Variants in SEPTIN9 observed in about 807,000 individuals in gnomAD.
SEPTIN9 encodes the protein septin 9.
A neutral mutation model predicts 56.6 loss-of-function variants in SEPTIN9; 13 were observed. The observed-to-expected ratio is 0.23, with a 90% CI of 0.15 to 0.37. The LOEUF is 0.37. Ranked by LOEUF, SEPTIN9 falls within the 10% of genes least tolerant of loss-of-function variation. The pLI is 1.00. For synonymous variants in SEPTIN9, 332 were observed against 334.1 expected (o/e 0.99, Z 0.07); for missense variants, 650 against 823.1 (o/e 0.79, Z 2.57).
rs1474399440 is a variant in SEPTIN9, at chr17:77,429,165, G to A, written c.721+26462G>A. The A allele has an allele frequency of 2.1e-6, 1 of 472,148 alleles. No homozygotes were observed. The highest frequency in any genetic ancestry group is 4.4e-6 in the Non-Finnish European group (1 of 227,476). The allele number at this position is 472,148 out of a possible 1,614,324, so 29.2% of individuals were successfully genotyped here. On this transcript the variant is annotated intron_variant, in intron 3 of 11. Transcript: ENST00000427177. The surrounding 1 kb of genome is among the most constrained non-coding windows in gnomAD (Gnocchi z 5.2). The stretch of plus-strand genomic sequence containing the variant: ...ACTTGGGGGTGTGTCTGCAGCTCCT[G>A]AGGCCAAGACCAAGGCTGAGGCCGA...
rs994574282 is a variant in SEPTIN9, at chr17:77,317,233, A to G, written c.76+10036A>G. On this transcript the variant is annotated intron_variant, in intron 2 of 11. Transcript: ENST00000427177. The surrounding 1 kb of genome is among the most constrained non-coding windows in gnomAD (Gnocchi z 4.2). ...CAGCTCTGCAGGCCACACATCCGAGATCAGGGTCACCAGGCTGAAATCAGG... is the reference window on the plus strand; with the variant it reads ...CAGCTCTGCAGGCCACACATCCGAGGTCAGGGTCACCAGGCTGAAATCAGG... 6.6e-6 allele frequency among the ~76,000 whole-genome samples: 1 copy of G among 152,100 alleles called. No individual in the cohort carries two copies. The highest frequency in any genetic ancestry group is 6.5e-5 in the Admixed American group (1 of 15,270).
intron 4 of SEPTIN9, among the ~76,000 whole-genome samples, chr17:77,486,614 TTGTG>T (rs1161458084): frequency 6.6e-6 from 1 of 150,826 alleles, no homozygotes; most frequent in East Asian, 1.9e-4. Flanking sequence ...TTGAGGTGAG[TTGTG>T]TGTGTGTTGT....
intron 1 of SEPTIN9, among the ~76,000 whole-genome samples, chr17:77,305,437 C>G (rs1232515470): frequency 6.6e-6 from 1 of 152,154 alleles, no homozygotes; most frequent in East Asian, 1.9e-4. Flanking sequence ...TGTCCCTGCT[C>G]AGCGTCCTCC....
chr17:77,472,996 C>G (rs1165160159), intron 3 of SEPTIN9, among the ~76,000 whole-genome samples: 1 of 152,192 alleles, frequency 6.6e-6, no homozygotes, highest in East Asian at 1.9e-4. Flanking sequence ...TTGGGTAGGT[C>G]AGTAGGAACA....
intron 2 of SEPTIN9, chr17:77,320,428 C>T (rs1022278252): frequency 1.6e-6 from 2 of 1,263,864 alleles, no homozygotes; most frequent in Admixed American, 1.7e-5. Flanking sequence ...GGGGAATAAG[C>T]ATGCAAAGGG....
intron 2 of SEPTIN9, among the ~76,000 whole-genome samples, chr17:77,314,727 G>A (rs1353550305): frequency 2.6e-5 from 4 of 152,190 alleles, no homozygotes; most frequent in East Asian, 1.9e-4. Flanking sequence ...ACCCTTTCCC[G>A]AAGGCCCCTG....
rs1355754940 is a variant in SEPTIN9 at position 77,329,561 on chromosome 17, G to A, written c.76+22364G>A. Among the ~76,000 whole-genome samples, 1 of 152,190 alleles carries A rather than the reference G, an allele frequency of 6.6e-6. No homozygotes were observed. The highest frequency in any genetic ancestry group is 2.4e-5 in the African/African-American group (1 of 41,434). On this transcript the variant is annotated intron_variant, in intron 2 of 11. Transcript: ENST00000427177. This position sits in a 1 kb window ranked among gnomAD's most constrained non-coding sequence, Gnocchi z 4.3. Reference sequence around the variant, plus strand: ...GCAGCCTCAAGGCAGGAGCTGGGGTGTTGGAGGAGGAAGCACGCTCATCCC... The same window carrying A: ...GCAGCCTCAAGGCAGGAGCTGGGGTATTGGAGGAGGAAGCACGCTCATCCC...
chr17:77,465,303 G>A (rs890181495), intron 3 of SEPTIN9, among the ~76,000 whole-genome samples: 2 of 152,240 alleles, frequency 1.3e-5, no homozygotes, highest in African/African-American at 4.8e-5. Context: ...TCTGCAGTGA[G>A]TGCTGGTCTA....
In SEPTIN9 at chr17:77,450,069, C is replaced by T. The variant is rs185079273; in HGVS notation, c.722-32075C>T. Reference sequence around the variant, plus strand: ...AGACACTCCCCCGGCTCTGGCCTGGCGCCCGGAGACCAGTAGCAGCAGCTC... The same window carrying T: ...AGACACTCCCCCGGCTCTGGCCTGGTGCCCGGAGACCAGTAGCAGCAGCTC... On this transcript the variant is annotated intron_variant, in intron 3 of 11. Transcript: ENST00000427177. This position sits in a 1 kb window ranked among gnomAD's most constrained non-coding sequence, Gnocchi z 6.0. 1.3e-5 allele frequency among the ~76,000 whole-genome samples: 2 copies of T among 152,346 alleles called. No homozygotes were observed. The highest frequency in any genetic ancestry group is 6.5e-5 in the Admixed American group (1 of 15,312).
chr17:77,475,625 A>T lies in SEPTIN9; in HGVS notation c.722-6519A>T, dbSNP rs747349370. ...GAGCCTGCAGAGGGAGGGCAGCTGG[A>T]GGCTGCTCCAGTGTGCATTGTTACG... is the stretch of plus-strand genomic sequence containing the variant. On this transcript the variant is annotated intron_variant, in intron 3 of 11. Transcript: ENST00000427177. This position sits in a 1 kb window ranked among gnomAD's most constrained non-coding sequence, Gnocchi z 4.6. The T allele has an allele frequency of 1.2e-6, 2 of 1,613,722 alleles. No individual in the cohort carries two copies. Among genetic ancestry groups the T allele is most frequent in the South Asian group, 1.1e-5 (1 of 91,084 alleles).
chr17:77,465,178 C>G (rs763005781), intron 3 of SEPTIN9, among the ~76,000 whole-genome samples: 2 of 152,226 alleles, frequency 1.3e-5, no homozygotes, highest in Admixed American at 1.3e-4. Context: ...GTGCTTCATT[C>G]TTTTTCATGG....
At position 77,429,048 on chromosome 17, in the gene SEPTIN9, C is replaced by T. The variant is rs1238658891; in HGVS notation, c.721+26345C>T. The T allele has an allele frequency of 6.4e-6, 3 of 471,478 alleles. No homozygotes were observed. The highest frequency in any genetic ancestry group is 1.3e-5 in the Non-Finnish European group (3 of 227,160). The allele number at this position is 471,478 out of a possible 1,614,324, so 29.2% of individuals were successfully genotyped here. ...GAGCATCTCAGCAGCCCTCCGCCCC[C>T]TGCTCCTGGTTGCAGATGTACCTGT... On this transcript the variant is annotated intron_variant, in intron 3 of 11. Coordinates refer to ENST00000427177, the MANE Select transcript of SEPTIN9 (RefSeq NM_001113491.2). This position sits in a 1 kb window ranked among gnomAD's most constrained non-coding sequence, Gnocchi z 5.2.
intron 2 of SEPTIN9, chr17:77,373,673 C>T (rs2034805537): frequency 1.4e-6 from 2 of 1,424,070 alleles, no homozygotes; most frequent in Non-Finnish European, 1.8e-6. Context: ...AGACGGGACC[C>T]CTAATCCAGG....
chr17:77,350,243 C>T (rs420174), intron 2 of SEPTIN9, among the ~76,000 whole-genome samples: 1 of 151,720 alleles, frequency 6.6e-6, no homozygotes, highest in African/African-American at 2.4e-5. Flanking sequence ...CAGGGTTGGG[C>T]GGGAAGCCTG....
chr17:77,373,605 G>A (rs988353758), intron 2 of SEPTIN9: 2 of 1,530,148 alleles, frequency 1.3e-6, no homozygotes, highest in Middle Eastern at 1.8e-4. Context: ...AGGACCCTGC[G>A]GGTGGGCCTG....
chr17:77,292,031 A>T (rs944477305), intron 1 of SEPTIN9, among the ~76,000 whole-genome samples: 4 of 152,024 alleles, frequency 2.6e-5, no homozygotes, highest in African/African-American at 9.7e-5. Context: ...GAGGTCTTTG[A>T]TTCCTTTTCA....
At chr17:77,345,931 G>GTTGTTTTGTTTTGTT (rs10535531) in intron 2 of SEPTIN9, among the ~76,000 whole-genome samples, 1 of 148,974 alleles carries the variant, frequency 6.7e-6, no homozygotes, top group African/African-American at 2.5e-5. Context: ...TGTTTTTTTT[G>GTTGTTTTGTTTTGTT]TTGTTTTGTT....
At chr17:77,410,086 A>G (rs1268820696) in intron 3 of SEPTIN9, among the ~76,000 whole-genome samples, 1 of 152,122 alleles carries the variant, frequency 6.6e-6, no homozygotes, top group Non-Finnish European at 1.5e-5. Flanking sequence ...CTCCTGGGGT[A>G]TGGGCTGTAA....
intron 2 of SEPTIN9, among the ~76,000 whole-genome samples, chr17:77,385,563 A>G (rs911440292): frequency 1.1e-4 from 16 of 152,188 alleles, no homozygotes; most frequent in African/African-American, 3.9e-4. Context: ...AAAAATAAAT[A>G]AAAGTTTACT....
Sources: allele counts gnomAD v4.1 joint callset (sites outside exome capture counted in the v4.1 genomes callset), GRCh38; gene constraint gnomAD v4.1.1; non-coding constraint Gnocchi (gnomAD v3.1); transcripts MANE v1.5; gene names NCBI Gene and HGNC (gene_info 2026-07-23, HGNC 2026-07-21).